The following VPS45 variants were observed in gnomAD, a reference collection of about 807,000 sequenced individuals.
VPS45 encodes the protein vacuolar protein sorting 45 homolog, also known as vacuolar protein sorting-associated protein 45.
VPS45 carries 35 observed loss-of-function variants against 75.9 expected under a neutral mutation model. That is an observed-to-expected ratio of 0.46 (90% CI 0.35 to 0.61). The LOEUF is 0.61. Among genes scored for constraint, VPS45 ranks in the 20% least tolerant of loss-of-function variants. The pLI, the probability that VPS45 is intolerant of heterozygous loss-of-function variation, is 0.00. For missense variants in VPS45, 559 were observed against 685.9 expected, an observed-to-expected ratio of 0.81 and a Z score of 2.07; for synonymous variants, 220 against 238.2, an observed-to-expected ratio of 0.92 and a Z score of 0.70.
chr1:150,077,821 G>C (rs1206823373), intron 7 of VPS45, 42 bp downstream of exon 7: 2 of 1,458,740 alleles, frequency 1.4e-6, no homozygotes, highest in Admixed American at 3.4e-5. Context: ...ATAATTTTAA[G>C]TGATATTCAT....
At chr1:150,088,429 T>TAATAAATA (rs1333951664) in intron 10 of VPS45, among the ~76,000 whole-genome samples, 1 of 120,170 alleles carries the variant, frequency 8.3e-6, no homozygotes, top group African/African-American at 3.3e-5. Flanking sequence ...CATGGCTGAA[T>TAATAAATA]AATAAATATA....
At position 150,092,247 on chromosome 1, in the gene VPS45, T is replaced by C. The variant is rs1442280276; in HGVS notation, c.1264-55T>C. ...TTTCCTTAATAAAATTATTTTCTTA[T>C]GAAATGGGCTTCCTGATGCCTAAGC... is the stretch of plus-strand genomic sequence containing the variant. On this transcript the variant is annotated intron_variant, in intron 11 of 14. Coordinates refer to ENST00000644510, the MANE Select transcript of VPS45 (RefSeq NM_007259.5). The C allele has an allele frequency of 3.2e-6, 5 of 1,559,178 alleles. No homozygotes were observed. In the South Asian group the frequency reaches 5.9e-5, roughly 18 times the overall value.
upstream of VPS45, chr1:150,067,611 G>A (rs1654788974): frequency 2.0e-6 from 1 of 502,026 alleles, no homozygotes; most frequent in Non-Finnish European, 3.5e-6. Context: ...CCGCAGGTGG[G>A]TGGAGAATAA....
At chr1:150,142,441 G>A (rs1399246045) in intron 14 of VPS45, among the ~76,000 whole-genome samples, 3 of 152,174 alleles carry the variant, frequency 2.0e-5, no homozygotes, top group East Asian at 1.9e-4. Context: ...TATTTCCATA[G>A]AGGAACAAAT....
intron 14 of VPS45, among the ~76,000 whole-genome samples, chr1:150,139,886 TTTGTTG>T (rs752651196): frequency 1.3e-5 from 2 of 150,666 alleles, no homozygotes; most frequent in Admixed American, 6.6e-5. Flanking sequence ...TTATTTTATT[TTTGTTG>T]TTGTTGTTGT....
At chr1:150,119,211 A>ATATT (rs1658102311) in intron 14 of VPS45, among the ~76,000 whole-genome samples, 1 of 152,182 alleles carries the variant, frequency 6.6e-6, no homozygotes, top group African/African-American at 2.4e-5. Flanking sequence ...TATTACTAAC[A>ATATT]TATTTAGTAA....
intron 6 of VPS45, 93 bp downstream of exon 6, chr1:150,077,324 A>ATCTCCTTGGTTGTAAAT: frequency 1.4e-6 from 2 of 1,467,714 alleles, no homozygotes; most frequent in Non-Finnish European, 1.8e-6. Context: ...ATTTACAACC[A>ATCTCCTTGGTTGTAAAT]AGGAGATGAT....
intron 14 of VPS45, among the ~76,000 whole-genome samples, chr1:150,129,065 G>T (rs782026995): frequency 1.3e-5 from 2 of 152,172 alleles, no homozygotes; most frequent in African/African-American, 4.8e-5. Context: ...AGTGACCAAA[G>T]GATTAGACAT....
intron 14 of VPS45, among the ~76,000 whole-genome samples, chr1:150,128,693 A>G (rs1266326602): frequency 6.6e-6 from 1 of 151,890 alleles, no homozygotes; most frequent in Admixed American, 6.6e-5. Context: ...TCTCTTCACT[A>G]CGGACGTTTC....
chr1:150,077,367 A>G (rs1655453875), intron 6 of VPS45, 136 bp downstream of exon 6: 1 of 1,135,040 alleles, frequency 8.8e-7, no homozygotes, highest in East Asian at 2.4e-5. Flanking sequence ...AGAGGTAGGT[A>G]TATGTAATTT....
intron 14 of VPS45, among the ~76,000 whole-genome samples, chr1:150,130,696 G>A (rs968542246): frequency 6.6e-5 from 10 of 152,044 alleles, no homozygotes; most frequent in African/African-American, 2.4e-4. Flanking sequence ...GGAATATAGT[G>A]GTGAGCAAAA....
intron 3 of VPS45, among the ~76,000 whole-genome samples, 190 bp from the exon 4 acceptor site, chr1:150,076,043 C>T (rs1205983208): frequency 2.7e-5 from 4 of 147,000 alleles, no homozygotes; most frequent in East Asian, 1.9e-4. Context: ...TGAGCCACCG[C>T]GCCTGGCCAG....
In VPS45 at chr1:150,144,655, A is replaced by G. The variant is rs587606945; in HGVS notation, c.1626-54A>G. The G allele has an allele frequency of 8.1e-6, 12 of 1,490,132 alleles. No homozygotes were observed. In the South Asian group the frequency reaches 1.5e-4, roughly 18 times the overall value. 92.3% of individuals were successfully genotyped at this position (1,490,132 alleles called of 1,614,324 possible). A position where few individuals can be genotyped will look rare whatever the true frequency, so the allele number is the denominator to read the frequency against. On this transcript the variant is annotated intron_variant, in intron 14 of 14. Transcript: ENST00000644510. ...TTAGATGTCCAGAGCAAGACATTCTATTTTTGGAGATGCTTTTGTTTTTTC... is the reference window on the plus strand; with the variant it reads ...TTAGATGTCCAGAGCAAGACATTCTGTTTTTGGAGATGCTTTTGTTTTTTC...
intron 14 of VPS45, among the ~76,000 whole-genome samples, chr1:150,122,244 C>G (rs1658273713): frequency 6.6e-6 from 1 of 152,016 alleles, no homozygotes; most frequent in Non-Finnish European, 1.5e-5. Flanking sequence ...TCACTTGAAC[C>G]CAGGATGTGG....
intron 13 of VPS45, among the ~76,000 whole-genome samples, chr1:150,104,198 C>A (rs1430714494): frequency 2.6e-5 from 4 of 152,042 alleles, no homozygotes; most frequent in Non-Finnish European, 5.9e-5. Context: ...TTTTGGAGTC[C>A]CCCATAGTCT....
At chr1:150,077,305 G>T (rs782163996) in intron 6 of VPS45, 74 bp downstream of exon 6, 28 of 1,525,700 alleles carry the variant, frequency 1.8e-5, no homozygotes, top group Non-Finnish European at 2.5e-5. Flanking sequence ...GAAACTAAAG[G>T]AATAGTTTAT....
chr1:150,113,293 C>G (rs1559930185), intron 14 of VPS45, among the ~76,000 whole-genome samples: 1 of 152,064 alleles, frequency 6.6e-6, no homozygotes, highest in African/African-American at 2.4e-5. Context: ...GAGCTCTGTG[C>G]CAAGAATGGG....
intron 14 of VPS45, among the ~76,000 whole-genome samples, chr1:150,119,907 G>C (rs1209236940): frequency 6.6e-6 from 1 of 152,104 alleles, no homozygotes; most frequent in African/African-American, 2.4e-5. Context: ...TCGGGAGTTC[G>C]AGACCAGCCT....
chr1:150,076,756 G>A (rs587665403), intron 4 of VPS45, 160 bp from the exon 5 acceptor site: 22 of 669,682 alleles, frequency 3.3e-5, no homozygotes, highest in African/African-American at 1.6e-4. Context: ...ATTCTCCCAC[G>A]TTGACTGTTG....
Sources: allele counts gnomAD v4.1 joint callset (sites outside exome capture counted in the v4.1 genomes callset), GRCh38; gene constraint gnomAD v4.1.1; transcripts MANE v1.5; gene names NCBI Gene and HGNC (gene_info 2026-07-23, HGNC 2026-07-21).